ANKRD44: variants seen among roughly 807,000 people sequenced by gnomAD.
The protein encoded by ANKRD44 is serine/threonine-protein phosphatase 6 regulatory ankyrin repeat subunit B.
ANKRD44 carries 35 observed loss-of-function variants against 116.0 expected under a neutral mutation model. That is an observed-to-expected ratio of 0.30 (90% CI 0.23 to 0.40). ANKRD44 has a LOEUF of 0.40. Ranked by LOEUF, ANKRD44 falls within the 10% of genes least tolerant of loss-of-function variation. The probability of loss-of-function intolerance (pLI) is 1.00; values close to 1 mark genes in which losing one functional copy is unlikely to be tolerated. For missense variants in ANKRD44, 1,014 were observed against 1,242.6 expected, an observed-to-expected ratio of 0.82 and a Z score of 2.77; for synonymous variants, 435 against 461.8, an observed-to-expected ratio of 0.94 and a Z score of 0.74.
intron 2 of ANKRD44, among the ~76,000 whole-genome samples, chr2:197,154,606 G>C (rs2079760605): frequency 6.6e-6 from 1 of 152,132 alleles, no homozygotes; most frequent in Non-Finnish European, 1.5e-5. Context: ...TTTTCCTTGT[G>C]TGTGGAGTTT....
rs371720315 is a variant in ANKRD44 at position 197,013,740 on chromosome 2, T to G, written c.1723-28A>C. On this transcript the variant is annotated intron_variant, in intron 17 of 27. Coordinates refer to ENST00000282272, the MANE Select transcript of ANKRD44 (RefSeq NM_001195144.2). ...GCAAAGAAGAAACCAATGGCTCCCA[T>G]GCTTGCTCGCTCACCTCAAATCCCG... 3.1e-6 allele frequency: 5 copies of G among 1,610,906 alleles called. No homozygotes were observed. In the African/African-American group the frequency reaches 6.7e-5, roughly 22 times the overall value.
Position 197,131,223 on chromosome 2 carries a change from G to T in ANKRD44, c.262-5186C>A, listed in dbSNP as rs1156902035. 8.9e-5 allele frequency among the ~76,000 whole-genome samples: 13 copies of T among 145,268 alleles called. No homozygotes were observed. The South Asian group carries it at 2.4e-3, about 27-fold the overall frequency. On this transcript the variant is annotated intron_variant, in intron 4 of 27. Transcript: ENST00000282272. ...TTTTTTTTTTTTGAGACGGAGTCTC[G>T]CTCTGTCGCCCAGGCTGGAGTGCAG...
At chr2:197,270,109 T>C (rs2082855395) in intron 1 of ANKRD44, among the ~76,000 whole-genome samples, 1 of 152,038 alleles carries the variant, frequency 6.6e-6, no homozygotes, top group Non-Finnish European at 1.5e-5. Context: ...CATTTCCAAA[T>C]GTCCTCAAGG....
At chr2:197,018,961 A>T (rs571014100) in intron 17 of ANKRD44, among the ~76,000 whole-genome samples, 1 of 152,306 alleles carries the variant, frequency 6.6e-6, no homozygotes, top group Admixed American at 6.5e-5. Flanking sequence ...CAAAATCAGG[A>T]TTCTGAACCC....
At chr2:197,059,223 G>C (rs2077262453) in intron 16 of ANKRD44, among the ~76,000 whole-genome samples, 1 of 152,080 alleles carries the variant, frequency 6.6e-6, no homozygotes, top group Non-Finnish European at 1.5e-5. Context: ...AACAAAGCAG[G>C]TAACAGATTT....
At chr2:197,106,812 T>A (rs754362745) in intron 9 of ANKRD44, among the ~76,000 whole-genome samples, 13,202 of 126,646 alleles carry the variant, frequency 0.1, 747 homozygotes, top group Non-Finnish European at 0.12. Flanking sequence ...ATATATTTTT[T>A]TTTTTTTTTC....
rs541814191 is a variant in ANKRD44, at chr2:197,303,681, A to G, written c.27+6897T>C. ...CCAGGATGGGAGCAAGGGGACTCTA[A>G]GCAAACAAAAACCAAGAAATGCAAA... On this transcript the variant is annotated intron_variant, in intron 1 of 27. Coordinates refer to ENST00000282272, the MANE Select transcript of ANKRD44 (RefSeq NM_001195144.2). Among the ~76,000 whole-genome samples the G allele has an allele frequency of 3.9e-5, 6 of 152,316 alleles. No individual in the cohort carries two copies. In the South Asian group the frequency reaches 1.0e-3, roughly 26 times the overall value.
chr2:197,099,116 T>C (rs2078231374), intron 10 of ANKRD44, among the ~76,000 whole-genome samples: 1 of 152,146 alleles, frequency 6.6e-6, no homozygotes, highest in Non-Finnish European at 1.5e-5. Flanking sequence ...CTTGAAGCCT[T>C]TTCAGAAAAC....
chr2:197,242,924 C>T (rs1220572587), intron 1 of ANKRD44, among the ~76,000 whole-genome samples: 2 of 152,164 alleles, frequency 1.3e-5, no homozygotes. Context: ...GATGTAAGGG[C>T]CACAAATAGG....
At position 197,078,737 on chromosome 2, in the gene ANKRD44, G is replaced by A; in HGVS notation, c.1616C>T (p.Ala539Val). 1 of 1,612,514 alleles carries A rather than the reference G, an allele frequency of 6.2e-7. No homozygotes were observed. The highest frequency in any genetic ancestry group is 8.5e-7 in the Non-Finnish European group (1 of 1,179,032). Reference sequence around the variant, plus strand: ...ACACTGCCTGTGCCCATAGGCGGCAGCATAATGTATGCTATTGTAACCTTC... The same window carrying A: ...ACACTGCCTGTGCCCATAGGCGGCAACATAATGTATGCTATTGTAACCTTC... ...DKEGYNSIHY[A>V]AAYGHRQCLE... Residue 539 changes from alanine (A) to valine (V), a missense_variant, in exon 16 of 28, where the codon GCT becomes GTT. Transcript: ENST00000282272.
chr2:197,229,602 GATA>G (rs371215161), intron 1 of ANKRD44, among the ~76,000 whole-genome samples: 71 of 152,310 alleles, frequency 4.7e-4, no homozygotes, highest in African/African-American at 1.5e-3. Flanking sequence ...AATATTGACA[GATA>G]ATATTTATAA....
chr2:197,092,511 G>A (rs1479400190), intron 10 of ANKRD44, among the ~76,000 whole-genome samples: 1 of 152,176 alleles, frequency 6.6e-6, no homozygotes, highest in Non-Finnish European at 1.5e-5. Flanking sequence ...ATTAACCACT[G>A]TTTTCTCTTT....
At chr2:197,028,905 T>C (rs2076650292) in intron 16 of ANKRD44, 1 of 157,454 alleles carries the variant, frequency 6.4e-6, no homozygotes. Context: ...ATTTAGTCTC[T>C]AGTGCTAGTG....
At chr2:197,002,945 T>C (rs929685243) in intron 21 of ANKRD44, among the ~76,000 whole-genome samples, 5 of 152,154 alleles carry the variant, frequency 3.3e-5, no homozygotes, top group African/African-American at 1.2e-4. Flanking sequence ...ACTTTTCTTA[T>C]ATCTAAAAAG....
chr2:197,036,731 G>A (rs938609405), intron 16 of ANKRD44, among the ~76,000 whole-genome samples: 1 of 152,170 alleles, frequency 6.6e-6, no homozygotes, highest in Non-Finnish European at 1.5e-5. Flanking sequence ...TGTAAGGAAA[G>A]GCTAATGAAA....
intron 3 of ANKRD44, among the ~76,000 whole-genome samples, chr2:197,138,859 TG>T (rs2079285795): frequency 6.6e-6 from 1 of 152,230 alleles, no homozygotes; most frequent in Non-Finnish European, 1.5e-5. Flanking sequence ...GTAAATTTTG[TG>T]CTTTAAATTT....
intron 1 of ANKRD44, among the ~76,000 whole-genome samples, chr2:197,210,242 A>G (rs1477658890): frequency 6.6e-6 from 1 of 152,228 alleles, no homozygotes; most frequent in Non-Finnish European, 1.5e-5. Flanking sequence ...GACTGTCTTG[A>G]ATCCAATGCT....
chr2:197,095,265 C>G (rs1384771143), intron 10 of ANKRD44, among the ~76,000 whole-genome samples: 1 of 152,152 alleles, frequency 6.6e-6, no homozygotes, highest in Non-Finnish European at 1.5e-5. Context: ...CATGTTTGTA[C>G]TGAGGATCAC....
At chr2:197,076,216 C>A (rs560605828) in intron 16 of ANKRD44, among the ~76,000 whole-genome samples, 1 of 152,212 alleles carries the variant, frequency 6.6e-6, no homozygotes, top group Non-Finnish European at 1.5e-5. Flanking sequence ...ATAACTCTAG[C>A]ACAAAGCACA....
Sources: gnomAD v4.1 joint callset for allele counts (sites outside exome capture counted in the v4.1 genomes callset) on GRCh38, gnomAD v4.1.1 for gene constraint, MANE v1.5 for transcripts, NCBI Gene and HGNC (gene_info 2026-07-23, HGNC 2026-07-21) for gene names.